Variants in ITIH5 observed in about 807,000 individuals in gnomAD.
The protein encoded by ITIH5 is inter-alpha-trypsin inhibitor heavy chain H5.
In ITIH5, 65 loss-of-function variants were observed where a neutral mutation model predicts 77.5. That is an observed-to-expected ratio of 0.84 (90% CI 0.69 to 1.03). The LOEUF is 1.03. ITIH5 is among the 50% of genes least tolerant of loss of function. The probability of loss-of-function intolerance (pLI) is 0.00; values close to 1 mark genes in which losing one functional copy is unlikely to be tolerated. For missense variants in ITIH5, 1,208 were observed against 1,213.1 expected, an observed-to-expected ratio of 1.00 and a Z score of 0.06; for synonymous variants, 525 against 494.3, an observed-to-expected ratio of 1.06 and a Z score of -0.82.
chr10:7,585,859 T>A (rs754237514), intron 8 of ITIH5, 42 bp downstream of exon 8: 3 of 1,477,754 alleles, frequency 2.0e-6, no homozygotes, highest in Non-Finnish European at 1.8e-6. Flanking sequence ...AAAAACATTA[T>A]TTCAAAGCCA....
intron 10 of ITIH5, 84 bp from the exon 11 acceptor site, chr10:7,573,279 G>T: frequency 9.2e-7 from 1 of 1,086,180 alleles, no homozygotes; most frequent in Non-Finnish European, 1.4e-6. Flanking sequence ...GGAGACATGA[G>T]CAAAACACAG....
At chr10:7,622,377 A>C (rs1471829497) in intron 5 of ITIH5, 1 of 152,216 alleles carries the variant, frequency 6.6e-6, no homozygotes, top group Non-Finnish European at 1.5e-5. Context: ...TTCCACAGTC[A>C]CAGAATCATT....
At chr10:7,572,544 G>GCACATTCTGACCCTCATT in intron 11 of ITIH5, 1 of 1,156,962 alleles carries the variant, frequency 8.6e-7, no homozygotes, top group Non-Finnish European at 1.1e-6. Context: ...ACTCAATGAG[G>GCACATTCTGACCCTCATT]GTCAGAATGT....
At chr10:7,659,568 T>C (rs1364826821) in intron 1 of ITIH5, among the ~76,000 whole-genome samples, 1 of 152,138 alleles carries the variant, frequency 6.6e-6, no homozygotes, top group African/African-American at 2.4e-5. Flanking sequence ...AAAATAACTA[T>C]GGTCAGAAGG....
chr10:7,639,095 A>G (rs1032564431), intron 4 of ITIH5, among the ~76,000 whole-genome samples: 4 of 152,210 alleles, frequency 2.6e-5, no homozygotes, highest in Non-Finnish European at 5.9e-5. Context: ...CAATTGTGAT[A>G]AAGACCACTT....
At chr10:7,595,815 G>A (rs544893307) in intron 7 of ITIH5, among the ~76,000 whole-genome samples, 1 of 151,906 alleles carries the variant, frequency 6.6e-6, no homozygotes, top group African/African-American at 2.4e-5. Flanking sequence ...GAGGCTATCC[G>A]GGCTAACATG....
intron 13 of ITIH5, among the ~76,000 whole-genome samples, chr10:7,564,825 CAT>C (rs1157115644): frequency 1.3e-5 from 2 of 148,904 alleles, no homozygotes; most frequent in East Asian, 2.0e-4. Context: ...ACACACACAC[CAT>C]AGACTGTATA....
At chr10:7,625,866 T>G (rs1453516029) in intron 5 of ITIH5, among the ~76,000 whole-genome samples, 1 of 152,234 alleles carries the variant, frequency 6.6e-6, no homozygotes, top group African/African-American at 2.4e-5. Context: ...TACAAGGTTT[T>G]TAATTGCCAG....
chr10:7,664,803 T>C (rs558599285), intron 1 of ITIH5, among the ~76,000 whole-genome samples: 4 of 152,372 alleles, frequency 2.6e-5, no homozygotes, highest in Non-Finnish European at 4.4e-5. Context: ...TTAAAGACCA[T>C]AATGATTGAG....
At position 7,654,532 on chromosome 10, in the gene ITIH5, C is replaced by CT. The variant is rs1157575368; in HGVS notation, c.135+1098dup. Among the ~76,000 whole-genome samples, 4 of 152,318 alleles carry CT rather than the reference C, an allele frequency of 2.6e-5. No individual in the cohort carries two copies. The East Asian group carries it at 7.7e-4, about 29-fold the overall frequency. On this transcript the variant is annotated intron_variant, in intron 2 of 13. Coordinates refer to ENST00000397146, the MANE Select transcript of ITIH5 (RefSeq NM_030569.7). ...CCTCCAGGAGCAAAGACCAGGCAGGCTTAGTGCTCATTATTAAAGAGTCGC... is the reference window on the plus strand; with the variant it reads ...CCTCCAGGAGCAAAGACCAGGCAGGCTTTAGTGCTCATTATTAAAGAGTCGC...
At chr10:7,657,305 C>T (rs1052206893) in intron 1 of ITIH5, among the ~76,000 whole-genome samples, 10 of 152,060 alleles carry the variant, frequency 6.6e-5, no homozygotes, top group Admixed American at 6.5e-4. Flanking sequence ...CCTCTGCCTC[C>T]CAAAGTTCTG....
At chr10:7,621,853 C>T (rs972229020) in intron 5 of ITIH5, 2 of 152,090 alleles carry the variant, frequency 1.3e-5, no homozygotes, top group Non-Finnish European at 2.9e-5. Context: ...GAGTGTCACC[C>T]GCAGGGTCAT....
chr10:7,613,306 G>T (rs1833292488), intron 7 of ITIH5, among the ~76,000 whole-genome samples: 1 of 151,714 alleles, frequency 6.6e-6, no homozygotes, highest in African/African-American at 2.4e-5. Flanking sequence ...ACTTCACAAG[G>T]TATTTGGTAA....
In ITIH5 at chr10:7,591,593, C is replaced by A. The variant is rs151332399; in HGVS notation, c.940-5524G>T. On this transcript the variant is annotated intron_variant, in intron 7 of 13. Transcript: ENST00000397146. The stretch of plus-strand genomic sequence containing the variant: ...TCTTTCCCTCCCCAAGACCCTTGCA[C>A]CTGCTGTTTTTTCCTTGGAGCTCCC... 2.8e-3 allele frequency among the ~76,000 whole-genome samples: 433 copies of A among 152,298 alleles called. 1 individual carries two copies. The highest frequency in any genetic ancestry group is 5.0e-3 in the Non-Finnish European group (342 of 68,020).
intron 1 of ITIH5, among the ~76,000 whole-genome samples, chr10:7,664,444 T>G (rs147382377): frequency 2.1e-4 from 32 of 149,634 alleles, no homozygotes; most frequent in African/African-American, 6.9e-4. Flanking sequence ...ACCACCTGCA[T>G]CAGAATCATC....
intron 1 of ITIH5, among the ~76,000 whole-genome samples, chr10:7,658,390 T>C (rs11255271): frequency 0.17 from 25,906 of 152,010 alleles, 2,338 homozygotes; most frequent in South Asian, 0.22. Context: ...TGGAGAAAAA[T>C]AGTACAGGAT....
chr10:7,633,865 G>A lies in ITIH5; in HGVS notation c.652+3363C>T, dbSNP rs536898594. On this transcript the variant is annotated intron_variant, in intron 5 of 13. Coordinates refer to ENST00000397146, the MANE Select transcript of ITIH5 (RefSeq NM_030569.7). ...AGCACTTTGGGAGGCCGAGGCGGGC[G>A]GATCACGAGGTCAGGAGATCGAGAC... Among the ~76,000 whole-genome samples the A allele has an allele frequency of 2.0e-3, 308 of 151,976 alleles. 3 individuals are homozygous for A. Among genetic ancestry groups the A allele is most frequent in the African/African-American group, 6.8e-3 (282 of 41,500 alleles).
intron 11 of ITIH5, 153 bp downstream of exon 11, chr10:7,572,989 G>A (rs750885124): frequency 1.4e-5 from 9 of 624,092 alleles, no homozygotes; most frequent in Admixed American, 5.5e-5. Flanking sequence ...TGTTGGCCAG[G>A]CTGGTCTTGA....
At chr10:7,588,617 G>A (rs1042208965) in intron 7 of ITIH5, among the ~76,000 whole-genome samples, 9 of 152,230 alleles carry the variant, frequency 5.9e-5, no homozygotes, top group South Asian at 2.1e-4. Flanking sequence ...CTTTCTCCCC[G>A]TGAGTTTTTG....
Sources: gnomAD v4.1 joint callset for allele counts (sites outside exome capture counted in the v4.1 genomes callset) on GRCh38, gnomAD v4.1.1 for gene constraint, MANE v1.5 for transcripts, NCBI Gene and HGNC (gene_info 2026-07-23, HGNC 2026-07-21) for gene names.